HERC3: variants seen among roughly 807,000 people sequenced by gnomAD.
HERC3 encodes the protein probable E3 ubiquitin-protein ligase HERC3.
A neutral mutation model predicts 129.9 loss-of-function variants in HERC3; 58 were observed. The ratio of observed to expected loss-of-function variants is 0.45; its 90% confidence interval spans 0.36 to 0.56. The LOEUF (loss-of-function observed/expected upper bound fraction) is 0.56, where lower values mean the gene tolerates loss of function less well. HERC3 is among the 20% of genes least tolerant of loss of function. The pLI is 0.00. For missense variants in HERC3, 835 were observed against 1,244.2 expected (o/e 0.67, Z 4.95); for synonymous variants, 430 against 451.0 (o/e 0.95, Z 0.59).
intron 19 of HERC3, among the ~76,000 whole-genome samples, chr4:88,678,625 T>G (rs772675296): frequency 5.3e-5 from 8 of 152,228 alleles, no homozygotes; most frequent in Non-Finnish European, 7.3e-5. Flanking sequence ...ATCATGCATA[T>G]TTCCAGGGCT....
At chr4:88,640,592 G>A (rs1480971163) in intron 3 of HERC3, among the ~76,000 whole-genome samples, 1 of 152,174 alleles carries the variant, frequency 6.6e-6, no homozygotes, top group Non-Finnish European at 1.5e-5. Flanking sequence ...CGAGGGAAGG[G>A]AGAGCATCAG....
rs1310651295 is a variant in HERC3, at chr4:88,668,068, C to T, written c.1620C>T (p.Pro540=). The change falls in exon 14 of 26, where the codon CCC becomes CCT. Residue 540 remains proline (P), a synonymous_variant. Coordinates refer to ENST00000402738, the MANE Select transcript of HERC3 (RefSeq NM_014606.3). The stretch of plus-strand genomic sequence containing the variant: ...CCATTCTTCGGCTGGATACAAACCC[C>T]AGCAAAGTACTAGGTGAATTTGCTA... The part of the protein sequence containing the change: ...AMAILRLDTN[P]SKVLDNWWSQ... 1.2e-6 allele frequency: 2 copies of T among 1,613,148 alleles called. No individual in the cohort carries two copies. Among genetic ancestry groups the T allele is most frequent in the Non-Finnish European group, 1.7e-6 (2 of 1,179,422 alleles).
At chr4:88,596,050 T>C (rs934923223) in intron 2 of HERC3, among the ~76,000 whole-genome samples, 1 of 151,806 alleles carries the variant, frequency 6.6e-6, no homozygotes, top group Non-Finnish European at 1.5e-5. Context: ...GGGGTTTCAC[T>C]GTGTTAGCCA....
rs531996067 is a variant in HERC3, at chr4:88,600,158, T to C, written c.-30+4544T>C. Among the ~76,000 whole-genome samples the C allele has an allele frequency of 2.3e-4, 35 of 152,310 alleles. 1 individual carries two copies. The South Asian group carries it at 7.2e-3, about 32-fold the overall frequency. ...TTATCTGCTGTTATTATTAATAATG[T>C]CATTATTAATATTATCAGTCAGGAG... On this transcript the variant is annotated intron_variant, in intron 2 of 25. Coordinates refer to ENST00000402738, the MANE Select transcript of HERC3 (RefSeq NM_014606.3).
chr4:88,651,213 T>C (rs532617644), intron 4 of HERC3, among the ~76,000 whole-genome samples: 2 of 152,332 alleles, frequency 1.3e-5, no homozygotes, highest in Admixed American at 6.5e-5. Context: ...CGGCATTTCA[T>C]TTTTAAAAAT....
intron 23 of HERC3, 133 bp from the exon 24 acceptor site, chr4:88,703,965 C>T (rs1735547670): frequency 3.9e-6 from 3 of 774,830 alleles, no homozygotes; most frequent in Admixed American, 4.5e-5. Context: ...CTATATGATG[C>T]CTTAGGATGC....
At chr4:88,645,016 C>T (rs1157663573) in intron 3 of HERC3, among the ~76,000 whole-genome samples, 1 of 152,130 alleles carries the variant, frequency 6.6e-6, no homozygotes, top group Non-Finnish European at 1.5e-5. Context: ...ACCAGGCCAT[C>T]TTCTGTGTTG....
the HERC3 span, among the ~76,000 whole-genome samples, chr4:88,584,294 A>G: frequency 1.3e-5 from 2 of 152,196 alleles, no homozygotes; most frequent in Non-Finnish European, 2.9e-5. Flanking sequence ...GATTCCAGGT[A>G]GACATGAATT....
rs192864663 is a variant in HERC3, at chr4:88,658,658, G to T, written c.1146+167G>T. Among the ~76,000 whole-genome samples, 6 of 152,156 alleles carry T rather than the reference G, an allele frequency of 3.9e-5. No individual in the cohort carries two copies. The East Asian group carries it at 1.2e-3, about 29-fold the overall frequency. On this transcript the variant is annotated intron_variant, in intron 10 of 25. Coordinates refer to ENST00000402738, the MANE Select transcript of HERC3 (RefSeq NM_014606.3). Reference sequence around the variant, plus strand: ...AATCTGGAAGAAGTTGTCTCCATTTGGCTCCCTTGAAGTGCCAACAATTCT... The same window carrying T: ...AATCTGGAAGAAGTTGTCTCCATTTTGCTCCCTTGAAGTGCCAACAATTCT...
intron 3 of HERC3, among the ~76,000 whole-genome samples, chr4:88,625,083 T>C (rs563075012): frequency 1.3e-5 from 2 of 152,348 alleles, no homozygotes; most frequent in East Asian, 3.9e-4. Flanking sequence ...ACTGTGTTGA[T>C]TACTGTAGCT....
At position 88,678,031 on chromosome 4, in the gene HERC3, G is replaced by C. The variant is rs1578298325; in HGVS notation, c.2093G>C (p.Arg698Thr). 1 of 1,613,846 alleles carries C rather than the reference G, an allele frequency of 6.2e-7. No homozygotes were observed. The highest frequency in any genetic ancestry group is 8.5e-7 in the Non-Finnish European group (1 of 1,180,012). The change falls in exon 19 of 26, where the codon AGA (arginine) becomes ACA (threonine). Residue 698 changes from arginine to threonine, a missense_variant. Transcript: ENST00000402738. ...CTCACCCTGGAGCCTCTGCTGGCCA[G>C]AAGCCCCTTCCTGGTCCTTCACGTT... is the stretch of plus-strand genomic sequence containing the variant. ...MLLTLEPLLA[R>T]SPFLVLHVRR...
chr4:88,540,807 A>T, the HERC3 span, among the ~76,000 whole-genome samples: 30 of 152,326 alleles, frequency 2.0e-4, no homozygotes, highest in African/African-American at 5.8e-4. Flanking sequence ...TCTTAAAAAA[A>T]TTTTCAATCC....
At chr4:88,642,965 A>G (rs955142737) in intron 3 of HERC3, among the ~76,000 whole-genome samples, 1 of 152,126 alleles carries the variant, frequency 6.6e-6, no homozygotes, top group Non-Finnish European at 1.5e-5. Flanking sequence ...AAGAAAAAAA[A>G]CCATCTCTAT....
At chr4:88,692,635 A>T (rs1314737299) in intron 23 of HERC3, among the ~76,000 whole-genome samples, 1 of 152,206 alleles carries the variant, frequency 6.6e-6, no homozygotes, top group African/African-American at 2.4e-5. Flanking sequence ...AAATGCCAGT[A>T]ACACTTCTTG....
intron 3 of HERC3, among the ~76,000 whole-genome samples, chr4:88,624,103 A>C (rs1481077474): frequency 1.3e-5 from 2 of 152,202 alleles, no homozygotes; most frequent in Admixed American, 6.5e-5. Context: ...ATTGTTGCAC[A>C]TGTCAGTAGG....
At chr4:88,659,481 G>A (rs1338596477) in intron 10 of HERC3, among the ~76,000 whole-genome samples, 1 of 152,228 alleles carries the variant, frequency 6.6e-6, no homozygotes, top group African/African-American at 2.4e-5. Flanking sequence ...GCTGTAGGCT[G>A]GACAGCTAAA....
At chr4:88,650,879 A>G (rs1340710648) in intron 4 of HERC3, among the ~76,000 whole-genome samples, 1 of 152,166 alleles carries the variant, frequency 6.6e-6, no homozygotes, top group Non-Finnish European at 1.5e-5. Context: ...CTGCCTAATT[A>G]TCGTCCCCTT....
At chr4:88,550,919 A>G in the HERC3 span, among the ~76,000 whole-genome samples, 1 of 150,578 alleles carries the variant, frequency 6.6e-6, no homozygotes, top group African/African-American at 2.4e-5. Context: ...ACAGCATGGT[A>G]CTGGTACCAA....
chr4:88,555,206 C>T, the HERC3 span, among the ~76,000 whole-genome samples: 3 of 150,020 alleles, frequency 2.0e-5, no homozygotes, highest in African/African-American at 7.4e-5. Context: ...CTGCTTGAAC[C>T]TGGGAGGCGG....
Sources: gnomAD v4.1 joint callset for allele counts (sites outside exome capture counted in the v4.1 genomes callset) on GRCh38, gnomAD v4.1.1 for gene constraint, MANE v1.5 for transcripts, NCBI Gene and HGNC (gene_info 2026-07-23, HGNC 2026-07-21) for gene names.